KCTD17: variants seen among roughly 807,000 people sequenced by gnomAD.
KCTD17 encodes the protein BTB/POZ domain-containing protein KCTD17.
In KCTD17, 20 loss-of-function variants were observed where a neutral mutation model predicts 41.5. That is an observed-to-expected ratio of 0.48 (90% CI 0.34 to 0.70). KCTD17 has a LOEUF of 0.70. Among genes scored for constraint, KCTD17 ranks in the 30% least tolerant of loss-of-function variants. The probability of loss-of-function intolerance (pLI) is 0.01; values close to 1 mark genes in which losing one functional copy is unlikely to be tolerated. For synonymous variants in KCTD17, 156 were observed against 173.8 expected (o/e 0.90, Z 0.80); for missense variants, 317 against 427.2 (o/e 0.74, Z 2.27).
At position 37,056,374 on chromosome 22, in the gene KCTD17, A is replaced by G; in HGVS notation, c.353A>G (p.Lys118Arg). 1 of 1,613,774 alleles carries G rather than the reference A, an allele frequency of 6.2e-7. No homozygotes were observed. Among genetic ancestry groups the G allele is most frequent in the Non-Finnish European group, 8.5e-7 (1 of 1,179,786 alleles). ...ATCGGCCCGCTGATCCGCATCATCA[A>G]AGACCGGATGGAAGAGAAGGACTAC... is the stretch of plus-strand genomic sequence containing the variant. ...YNIGPLIRII[K>R]DRMEEKDYTV... is the part of the protein sequence containing the mutation. Residue 118 changes from lysine to arginine, a missense_variant, in exon 3 of 9, where the codon AAA becomes AGA. Lys to Arg is a conservative substitution (Grantham distance 26). This residue lies in a region of KCTD17 where 27 missense variants were observed against 24.0 expected (regional missense o/e 1.13). Coordinates refer to ENST00000403888, the MANE Select transcript of KCTD17 (RefSeq NM_001282684.2).
At chr22:37,052,140 C>T in intron 1 of KCTD17, 191 bp downstream of exon 1, 1 of 809,528 alleles carries the variant, frequency 1.2e-6, no homozygotes, top group Non-Finnish European at 1.7e-6. Flanking sequence ...TACCCATTGC[C>T]GTGGCAACGG....
Position 37,061,420 on chromosome 22 carries a change from C to T in KCTD17, c.785-119C>T. 6.8e-7 allele frequency: 1 copy of T among 1,479,896 alleles called. No individual in the cohort carries two copies. 91.7% of individuals were successfully genotyped at this position (1,479,896 alleles called of 1,614,324 possible). On this transcript the variant is annotated intron_variant, in intron 7 of 8. Coordinates refer to ENST00000403888, the MANE Select transcript of KCTD17 (RefSeq NM_001282684.2). This position sits in a 1 kb window ranked among gnomAD's most constrained non-coding sequence, Gnocchi z 6.6. Reference sequence around the variant, plus strand: ...CCTCCCAGCCTGGGGAGGAGGGGCGCAGCTGCACCTCCTCTGTGCCCACTA... The same window carrying T: ...CCTCCCAGCCTGGGGAGGAGGGGCGTAGCTGCACCTCCTCTGTGCCCACTA...
At position 37,061,183 on chromosome 22, in the gene KCTD17, C is replaced by G. The variant is rs1925735154; in HGVS notation, c.784+8C>G. On this transcript the variant is annotated splice_region_variant and intron_variant, in intron 7 of 8. Coordinates refer to ENST00000403888, the MANE Select transcript of KCTD17 (RefSeq NM_001282684.2). This position sits in a 1 kb window ranked among gnomAD's most constrained non-coding sequence, Gnocchi z 6.6. ...CTCCGCTTCCCGCTGGAGGTCCTGC[C>G]TCATCTTCATCCACCTCTTCTTCCT... 1.3e-6 allele frequency: 2 copies of G among 1,551,228 alleles called. No individual in the cohort carries two copies. The highest frequency in any genetic ancestry group is 1.7e-6 in the Non-Finnish European group (2 of 1,146,940).
At chr22:37,058,620 C>A (rs986636862) in intron 4 of KCTD17, among the ~76,000 whole-genome samples, 37 of 152,232 alleles carry the variant, frequency 2.4e-4, no homozygotes, top group Non-Finnish European at 1.2e-4. Flanking sequence ...AGATTCTCTT[C>A]AGGGTCCCTG....
Position 37,059,383 on chromosome 22 carries a change from A to G in KCTD17, c.557A>G (p.Lys186Arg), listed in dbSNP as rs373819500. 63 of 1,612,838 alleles carry G rather than the reference A, an allele frequency of 3.9e-5. No homozygotes were observed. The highest frequency in any genetic ancestry group is 4.9e-5 in the Non-Finnish European group (58 of 1,179,810). ...GCAGAGTTCCTGTGTGTGGTGTCCA[A>G]GGAGCTCCACAGCACCCCAAACGGG... ...DQAEFLCVVS[K>R]ELHSTPNGLS... The change falls in exon 5 of 9, where the codon AAG (lysine) becomes AGG (arginine). Residue 186 changes from lysine to arginine, a missense_variant. By Grantham distance (26) the Lys-to-Arg change is conservative. Around this residue, in one of 4 missense-constraint regions of KCTD17, gnomAD observed 177 missense variants for 194.4 expected, o/e 0.91. Transcript: ENST00000403888.
At chr22:37,052,760 T>C in intron 1 of KCTD17, 1 of 435,744 alleles carries the variant, frequency 2.3e-6, no homozygotes, top group Non-Finnish European at 4.6e-6. Context: ...TGGGGCTGGC[T>C]TCAGGGGACA....
At position 37,051,784 on chromosome 22, in the gene KCTD17, AGCGCCGCCGGCGGGGGCGGGCGGCC is replaced by A; in HGVS notation, c.32_56del (p.Pro11GlnfsTer18). ...CGATGAGGATGGAGGCCGGGGAGGC[AGCGCCGCCGGCGGGGGCGGGCGGCC>A]GCGCCGCAGGCGGCTGGGGCAAGTG... is the stretch of plus-strand genomic sequence containing the variant. On this transcript the variant is annotated frameshift_variant, in exon 1 of 9. Coordinates refer to ENST00000403888, the MANE Select transcript of KCTD17 (RefSeq NM_001282684.2). LOFTEE classifies it high-confidence loss of function. 8.0e-7 allele frequency: 1 copy of A among 1,251,390 alleles called. No homozygotes were observed. The highest frequency in any genetic ancestry group is 1.0e-6 in the Non-Finnish European group (1 of 999,492). 77.5% of individuals were successfully genotyped at this position (1,251,390 alleles called of 1,614,324 possible).
intron 2 of KCTD17, among the ~76,000 whole-genome samples, chr22:37,056,037 G>T (rs1206421600): frequency 6.6e-6 from 1 of 152,200 alleles, no homozygotes; most frequent in Non-Finnish European, 1.5e-5. Context: ...GCTGTCTCTT[G>T]ATAGCCCTAA....
intron 5 of KCTD17, 159 bp downstream of exon 5, chr22:37,059,597 C>T: frequency 1.2e-6 from 1 of 849,946 alleles, no homozygotes; most frequent in Non-Finnish European, 1.8e-6. Flanking sequence ...CATCCCATGC[C>T]ACCTGCCGTT....
chr22:37,051,955 G>T lies in KCTD17; in HGVS notation c.189+6G>T. ...AAGAGCTGCAGTCGGACCGGGTGAG[G>T]CCCCCGGGGTGGGCGGCGAGCGGGC... On this transcript the variant is annotated splice_donor_region_variant and intron_variant, in intron 1 of 8. Transcript: ENST00000403888. The T allele has an allele frequency of 6.8e-7, 1 of 1,463,744 alleles. No homozygotes were observed. Among genetic ancestry groups the T allele is most frequent in the African/African-American group, 1.5e-5 (1 of 68,292 alleles). 90.7% of individuals were successfully genotyped at this position (1,463,744 alleles called of 1,614,324 possible). A position where few individuals can be genotyped will look rare whatever the true frequency, so the allele number is the denominator to read the frequency against.
Position 37,063,033 on chromosome 22 carries a change from A to T in KCTD17, c.*439A>T, listed in dbSNP as rs1231202033. 1 of 172,124 alleles carries T rather than the reference A, an allele frequency of 5.8e-6. No individual in the cohort carries two copies. The highest frequency in any genetic ancestry group is 1.2e-5 in the Non-Finnish European group (1 of 81,152). 10.7% of individuals were successfully genotyped at this position (172,124 alleles called of 1,614,324 possible). ...GCCGCCCACCTTCAGCTGCCCTGGGATGGGAAGGACCCAGCCCGACCCCTG... is the reference window on the plus strand; with the variant it reads ...GCCGCCCACCTTCAGCTGCCCTGGGTTGGGAAGGACCCAGCCCGACCCCTG... On this transcript the variant is annotated 3_prime_UTR_variant, in exon 9 of 9. Coordinates refer to ENST00000403888, the MANE Select transcript of KCTD17 (RefSeq NM_001282684.2). The surrounding 1 kb of genome is among the most constrained non-coding windows in gnomAD (Gnocchi z 4.6).
intron 3 of KCTD17, among the ~76,000 whole-genome samples, chr22:37,056,798 G>A (rs1925175792): frequency 6.6e-6 from 1 of 152,202 alleles, no homozygotes; most frequent in African/African-American, 2.4e-5. Context: ...TTAGCAAATT[G>A]TGCCTTTTGT....
At chr22:37,052,557 C>T in intron 1 of KCTD17, 1 of 470,428 alleles carries the variant, frequency 2.1e-6, no homozygotes, top group South Asian at 1.5e-5. Context: ...CTAAGGTCTC[C>T]TGTCCCCCAT....
chr22:37,061,297 C>G lies in KCTD17; in HGVS notation c.784+122C>G. On this transcript the variant is annotated intron_variant, in intron 7 of 8. Coordinates refer to ENST00000403888, the MANE Select transcript of KCTD17 (RefSeq NM_001282684.2). The surrounding 1 kb of genome is among the most constrained non-coding windows in gnomAD (Gnocchi z 6.6). Reference sequence around the variant, plus strand: ...GCTCACGCCTCCATCCCGGGTCTGCCCTGGTCCCAGCCTCCCGTGCCCTCC... The same window carrying G: ...GCTCACGCCTCCATCCCGGGTCTGCGCTGGTCCCAGCCTCCCGTGCCCTCC... The G allele has an allele frequency of 6.6e-7, 1 of 1,525,458 alleles. No individual in the cohort carries two copies. Among genetic ancestry groups the G allele is most frequent in the Non-Finnish European group, 8.8e-7 (1 of 1,139,080 alleles). 94.5% of individuals were successfully genotyped at this position (1,525,458 alleles called of 1,614,324 possible).
intron 8 of KCTD17, 173 bp from the exon 9 acceptor site, chr22:37,062,352 C>T (rs1159589351): frequency 4.1e-6 from 4 of 985,010 alleles, no homozygotes; most frequent in Middle Eastern, 5.2e-4. Flanking sequence ...TTCTTTGGGC[C>T]TCAGCCCCAC....
Position 37,061,329 on chromosome 22 carries a change from G to C in KCTD17, c.784+154G>C. ...CCAGCCTCCCGTGCCCTCCACCCAG[G>C]CCCCCTGGCCCTGCATCCCAGAGCG... On this transcript the variant is annotated intron_variant, in intron 7 of 8. Transcript: ENST00000403888. The surrounding 1 kb of genome is among the most constrained non-coding windows in gnomAD (Gnocchi z 6.6). The C allele has an allele frequency of 6.7e-7, 1 of 1,491,750 alleles. No homozygotes were observed. Among genetic ancestry groups the C allele is most frequent in the South Asian group, 1.3e-5 (1 of 75,688 alleles). The allele number at this position is 1,491,750 out of a possible 1,614,324, so 92.4% of individuals were successfully genotyped here.
At position 37,061,118 on chromosome 22, in the gene KCTD17, G is replaced by C; in HGVS notation, c.727G>C (p.Asp243His). 1 of 1,551,342 alleles carries C rather than the reference G, an allele frequency of 6.4e-7. No homozygotes were observed. The highest frequency in any genetic ancestry group is 8.7e-7 in the Non-Finnish European group (1 of 1,146,942). ...TCTCTTTGCAGCCCAGTCATCTCAG[G>C]ATCCCGCTAACCTTTTCTCCCTCCC... ...DAQEKAQSSQ[D>H]PANLFSLPPL... is the part of the protein sequence containing the mutation. The change falls in exon 7 of 9, where the codon GAT (aspartate) becomes CAT (histidine). Residue 243 changes from aspartate (D) to histidine (H), a missense_variant. By Grantham distance (81) the Asp-to-His change is moderately conservative (BLOSUM62 -1). Coordinates refer to ENST00000403888, the MANE Select transcript of KCTD17 (RefSeq NM_001282684.2). This position sits in a 1 kb window ranked among gnomAD's most constrained non-coding sequence, Gnocchi z 6.6.
At chr22:37,062,026 G>A (rs1925858395) in intron 8 of KCTD17, 5 of 985,286 alleles carry the variant, frequency 5.1e-6, no homozygotes, top group Non-Finnish European at 6.0e-6. Context: ...GGCAGAAAAA[G>A]CCCTGGCCAT....
Position 37,062,886 on chromosome 22 carries a change from C to G in KCTD17, c.*292C>G. On this transcript the variant is annotated 3_prime_UTR_variant, in exon 9 of 9. Transcript: ENST00000403888. Reference sequence around the variant, plus strand: ...TGGATGTGCTCCTTCCTGGCCCGGTCACATTGCCTCCTTGAGCCTTAGTCC... The same window carrying G: ...TGGATGTGCTCCTTCCTGGCCCGGTGACATTGCCTCCTTGAGCCTTAGTCC... 2.0e-6 allele frequency: 1 copy of G among 502,472 alleles called. No individual in the cohort carries two copies. Among genetic ancestry groups the G allele is most frequent in the Non-Finnish European group, 3.4e-6 (1 of 289,888 alleles). The allele number at this position is 502,472 out of a possible 1,614,324, so 31.1% of individuals were successfully genotyped here.
Sources: gnomAD v4.1 joint callset for allele counts (sites outside exome capture counted in the v4.1 genomes callset) on GRCh38, gnomAD v4.1.1 for gene constraint, gnomAD v4.1.1 regional missense constraint, Gnocchi (gnomAD v3.1) non-coding constraint, MANE v1.5 for transcripts, NCBI Gene and HGNC (gene_info 2026-07-23, HGNC 2026-07-21) for gene names.